Variants in NEDD9 observed in about 807,000 individuals in gnomAD.
The protein encoded by NEDD9 is enhancer of filamentation 1.
Under a neutral mutation model 76.6 loss-of-function variants are expected in NEDD9, and 26 were observed. The observed-to-expected ratio is 0.34, with a 90% confidence interval of 0.25 to 0.47. NEDD9 has a LOEUF of 0.47. Among genes scored for constraint, NEDD9 ranks in the 20% least tolerant of loss-of-function variants. NEDD9 has a pLI of 1.00. For missense variants in NEDD9, 937 were observed against 1,058.5 expected, an observed-to-expected ratio of 0.89 and a Z score of 1.59; for synonymous variants, 392 against 414.2, an observed-to-expected ratio of 0.95 and a Z score of 0.65.
At chr6:11,275,565 C>CACACACACACACATAT (rs551632582) in intron 3 of NEDD9, among the ~76,000 whole-genome samples, 6 of 150,286 alleles carry the variant, frequency 4.0e-5, no homozygotes, top group African/African-American at 1.5e-4. Flanking sequence ...CACACACACA[C>CACACACACACACATAT]ATATATATAT....
In NEDD9 at chr6:11,221,208, C is replaced by A. The variant is rs562631019; in HGVS notation, c.13-7481G>T. On this transcript the variant is annotated intron_variant, in intron 1 of 6. Coordinates refer to ENST00000379446, the MANE Select transcript of NEDD9 (RefSeq NM_006403.4). ...GACCAGCCTGGGCAACATGGTGAAA[C>A]CCCGTCTCTACTAAAATACAAAAAA... is the stretch of plus-strand genomic sequence containing the variant. Among the ~76,000 whole-genome samples, 57 of 152,130 alleles carry A rather than the reference C, an allele frequency of 3.7e-4. 5 individuals carry two copies. The South Asian group carries it at 0.011, about 30-fold the overall frequency.
intron 5 of NEDD9, 32 bp downstream of exon 5, chr6:11,189,932 G>A: frequency 1.3e-6 from 2 of 1,508,654 alleles, no homozygotes; most frequent in Non-Finnish European, 1.8e-6. Context: ...ATGTGAGTGA[G>A]TGTAGGTGTT....
At chr6:11,341,447 G>A (rs1762271548) in intron 1 of NEDD9, among the ~76,000 whole-genome samples, 1 of 152,216 alleles carries the variant, frequency 6.6e-6, no homozygotes, top group Admixed American at 6.5e-5. Context: ...CCCTCCCTCA[G>A]TCCACGGCTG....
At chr6:11,368,830 T>A (rs1762810471) in intron 1 of NEDD9, among the ~76,000 whole-genome samples, 1 of 152,212 alleles carries the variant, frequency 6.6e-6, no homozygotes, top group South Asian at 2.1e-4. Flanking sequence ...CCTTCTCTTT[T>A]ATGAAAACTC....
At chr6:11,200,089 A>AT (rs1227006902) in intron 2 of NEDD9, 1 of 219,018 alleles carries the variant, frequency 4.6e-6, no homozygotes, top group Non-Finnish European at 9.6e-6. Context: ...GGCATTTGCT[A>AT]TTTTTTGCTG....
chr6:11,219,718 A>G (rs1429221772), intron 1 of NEDD9, among the ~76,000 whole-genome samples: 1 of 152,262 alleles, frequency 6.6e-6, no homozygotes, highest in Non-Finnish European at 1.5e-5. Flanking sequence ...GCTTTTGTGC[A>G]TACTGACGAA....
intron 1 of NEDD9, among the ~76,000 whole-genome samples, chr6:11,355,942 C>T (rs971499126): frequency 5.9e-5 from 9 of 152,044 alleles, no homozygotes; most frequent in South Asian, 2.1e-4. Context: ...AGGATGGTCT[C>T]GATCTCCTGA....
At chr6:11,253,079 T>C (rs1160833280) in intron 3 of NEDD9, among the ~76,000 whole-genome samples, 2 of 152,114 alleles carry the variant, frequency 1.3e-5, no homozygotes, top group African/African-American at 2.4e-5. Context: ...ATCTGAGTCA[T>C]AAAAAAGTCA....
At chr6:11,201,388 G>C (rs777865062) in intron 2 of NEDD9, among the ~76,000 whole-genome samples, 1 of 152,200 alleles carries the variant, frequency 6.6e-6, no homozygotes, top group Non-Finnish European at 1.5e-5. Context: ...AGCCCTGTGG[G>C]TCACCCACCC....
intron 3 of NEDD9, among the ~76,000 whole-genome samples, chr6:11,264,810 A>T (rs1467538781): frequency 6.6e-6 from 1 of 152,238 alleles, no homozygotes; most frequent in African/African-American, 2.4e-5. Context: ...AACAGTGAAA[A>T]GCACAGTTTA....
intron 1 of NEDD9, among the ~76,000 whole-genome samples, chr6:11,380,007 G>A (rs1011575299): frequency 6.6e-6 from 1 of 152,262 alleles, no homozygotes; most frequent in Admixed American, 6.5e-5. Flanking sequence ...TCTTCGTGCT[G>A]TGCGGGTTTG....
chr6:11,332,089 G>GA (rs1446828059), intron 2 of NEDD9, among the ~76,000 whole-genome samples: 12 of 152,146 alleles, frequency 7.9e-5, no homozygotes, highest in Non-Finnish European at 1.5e-4. Flanking sequence ...TGTAAGATTA[G>GA]AAAAAAATGT....
rs1318857619 is a variant in NEDD9, at chr6:11,190,491, T to C, written c.1378A>G (p.Lys460Glu). 1 of 1,614,086 alleles carries C rather than the reference T, an allele frequency of 6.2e-7. No homozygotes were observed. The highest frequency in any genetic ancestry group is 1.3e-5 in the African/African-American group (1 of 74,934). The change falls in exon 5 of 7, where the codon AAG (lysine) becomes GAG (glutamate). Residue 460 changes from lysine to glutamate, a missense_variant. Coordinates refer to ENST00000379446, the MANE Select transcript of NEDD9 (RefSeq NM_006403.4). The surrounding 1 kb of genome is among the most constrained non-coding windows in gnomAD (Gnocchi z 5.8). Reference sequence around the variant, plus strand: ...CCCTTGACAAAGTGGAGGTACTCCTTCAGGAACAGCTCCACCTTGTCCACT... The same window carrying C: ...CCCTTGACAAAGTGGAGGTACTCCTCCAGGAACAGCTCCACCTTGTCCACT... ...TAVDKVELFL[K>E]EYLHFVKGAV...
chr6:11,195,680 G>A (rs1001729980), intron 2 of NEDD9, among the ~76,000 whole-genome samples: 6 of 152,168 alleles, frequency 3.9e-5, no homozygotes, highest in African/African-American at 7.2e-5. Context: ...CAGCTTAACT[G>A]TTCATCTTTC....
Position 11,184,588 on chromosome 6 carries a change from C to T in NEDD9, c.*574G>A, listed in dbSNP as rs1757930083. 6.5e-6 allele frequency: 1 copy of T among 152,738 alleles called. No homozygotes were observed. 9.5% of individuals were successfully genotyped at this position (152,738 alleles called of 1,614,324 possible). ...TGCTCCGCAAGAGGGCTTTTGGGCACTTGGCCATCATGTGTTTAAGATGGT... is the reference window on the plus strand; with the variant it reads ...TGCTCCGCAAGAGGGCTTTTGGGCATTTGGCCATCATGTGTTTAAGATGGT... On this transcript the variant is annotated 3_prime_UTR_variant, in exon 7 of 7. Transcript: ENST00000379446.
At chr6:11,331,719 T>C (rs1762041715) in intron 2 of NEDD9, among the ~76,000 whole-genome samples, 1 of 152,160 alleles carries the variant, frequency 6.6e-6, no homozygotes, top group Admixed American at 6.5e-5. Flanking sequence ...AATCTTTGGG[T>C]TTATTTCATA....
chr6:11,235,345 C>T (rs896090557), upstream of NEDD9, among the ~76,000 whole-genome samples: 16 of 152,074 alleles, frequency 1.1e-4, no homozygotes, highest in Admixed American at 7.9e-4. The surrounding 1 kb of genome is among the most constrained non-coding windows in gnomAD (Gnocchi z 4.1). Context: ...TGGAGGAACC[C>T]CTTCTCTGTG....
intron 6 of NEDD9, 85 bp from the exon 7 acceptor site, chr6:11,185,756 G>T: frequency 6.6e-7 from 1 of 1,512,016 alleles, no homozygotes; most frequent in Non-Finnish European, 8.9e-7. Flanking sequence ...TTAAAAGACA[G>T]GGATTTTAGT....
At chr6:11,278,099 C>G (rs937558248) in intron 3 of NEDD9, among the ~76,000 whole-genome samples, 4 of 152,194 alleles carry the variant, frequency 2.6e-5, no homozygotes, top group Admixed American at 2.0e-4. Flanking sequence ...ACAGCCTCAG[C>G]TTTCCCTGGG....
Sources: allele counts gnomAD v4.1 joint callset (sites outside exome capture counted in the v4.1 genomes callset), GRCh38; gene constraint gnomAD v4.1.1; non-coding constraint Gnocchi (gnomAD v3.1); transcripts MANE v1.5; gene names NCBI Gene and HGNC (gene_info 2026-07-23, HGNC 2026-07-21).